Variants in DIAPH2 observed in about 807,000 individuals in gnomAD.
DIAPH2 encodes the protein diaphanous related formin 2, also known as protein diaphanous homolog 2.
DIAPH2 carries 35 observed loss-of-function variants against 92.7 expected under a neutral mutation model. That is an observed-to-expected ratio of 0.38 (90% confidence interval 0.29 to 0.50). The LOEUF is 0.50. DIAPH2 is among the 20% of genes least tolerant of loss of function. DIAPH2 has a pLI of 0.94. For synonymous variants in DIAPH2, 301 were observed against 280.4 expected (o/e 1.07, Z -0.73); for missense variants, 701 against 819.5 (o/e 0.86, Z 1.77).
chrX:97,589,258 A>G (rs1366279319), intron 26 of DIAPH2, among the ~76,000 whole-genome samples: 3 of 91,245 alleles, frequency 3.3e-5, no homozygotes, highest in Non-Finnish European at 4.3e-5. Context: ...CGGTGGTTGC[A>G]GTGAGCCAAG....
At chrX:97,088,727 TAA>T in intron 19 of DIAPH2, among the ~76,000 whole-genome samples, 1 of 112,196 alleles carries the variant, frequency 8.9e-6, no homozygotes, top group East Asian at 2.8e-4. Context: ...CTTTATTGAA[TAA>T]AAGGTCTTCA....
intron 9 of DIAPH2, among the ~76,000 whole-genome samples, chrX:96,928,535 A>T (rs1439659352): frequency 9.0e-6 from 1 of 111,614 alleles, no homozygotes; most frequent in Non-Finnish European, 1.9e-5. Context: ...GGCATAAAGG[A>T]ATAGCAAAAA....
chrX:97,238,613 T>C (rs763464014), intron 22 of DIAPH2, among the ~76,000 whole-genome samples: 1 of 110,165 alleles, frequency 9.1e-6, no homozygotes, highest in African/African-American at 3.3e-5. Flanking sequence ...TTTTCTCACA[T>C]TTTTCTTCAT....
chrX:97,440,610 A>G (rs188576130), intron 26 of DIAPH2, among the ~76,000 whole-genome samples: 2,189 of 108,677 alleles, frequency 0.02, 64 homozygotes, highest in African/African-American at 0.07. Context: ...AAAAAAAAAA[A>G]AAAAAGAAAG....
intron 1 of DIAPH2, among the ~76,000 whole-genome samples, chrX:96,691,102 C>T (rs2063795901): frequency 9.0e-6 from 1 of 111,720 alleles, no homozygotes; most frequent in Non-Finnish European, 1.9e-5. Flanking sequence ...AACCTGCTTT[C>T]AAAGAACACT....
At chrX:97,223,792 A>G (rs2067944263) in intron 22 of DIAPH2, among the ~76,000 whole-genome samples, 2 of 112,086 alleles carry the variant, frequency 1.8e-5, no homozygotes, top group South Asian at 3.7e-4. Flanking sequence ...GGGGTCAACT[A>G]TGAATGAATA....
At chrX:97,083,387 G>T (rs994162456) in intron 19 of DIAPH2, among the ~76,000 whole-genome samples, 1 of 112,266 alleles carries the variant, frequency 8.9e-6, no homozygotes, top group Non-Finnish European at 1.9e-5. Context: ...ATCCATCTTC[G>T]TGTCTTAAAT....
intron 26 of DIAPH2, among the ~76,000 whole-genome samples, chrX:97,500,791 T>TATATATATAC (rs2070791992): frequency 1.0e-5 from 1 of 95,535 alleles, no homozygotes; most frequent in African/African-American, 3.8e-5. Flanking sequence ...TATATATATA[T>TATATATATAC]ATATATATAT....
intron 19 of DIAPH2, among the ~76,000 whole-genome samples, chrX:97,087,908 C>A (rs758111015): frequency 7.6e-4 from 84 of 110,982 alleles, no homozygotes; most frequent in Non-Finnish European, 1.5e-3. Context: ...TCTTTGATCC[C>A]AGCTCATCAT....
intron 3 of DIAPH2, among the ~76,000 whole-genome samples, chrX:96,757,459 A>G (rs1006702478): frequency 1.1e-4 from 12 of 111,953 alleles, no homozygotes; most frequent in Non-Finnish European, 2.3e-4. Flanking sequence ...TTCATATGTC[A>G]CAAGGATTAC....
chrX:97,060,733 TA>T (rs1442039193), intron 17 of DIAPH2, among the ~76,000 whole-genome samples: 3 of 112,438 alleles, frequency 2.7e-5, no homozygotes, highest in Non-Finnish European at 3.8e-5. Flanking sequence ...TGACTAGTCT[TA>T]TGTTTTTGTT....
chrX:97,376,953 A>G (rs2069507081), intron 24 of DIAPH2, among the ~76,000 whole-genome samples: 1 of 112,118 alleles, frequency 8.9e-6, no homozygotes, highest in South Asian at 3.7e-4. Flanking sequence ...TAAAAATACT[A>G]TATTAAAAAT....
chrX:96,706,155 G>A (rs1311122954), intron 1 of DIAPH2, among the ~76,000 whole-genome samples: 1 of 112,403 alleles, frequency 8.9e-6, no homozygotes, highest in Non-Finnish European at 1.9e-5. Context: ...CACATGGCTG[G>A]CAGCAATCCA....
At chrX:97,062,741 AG>A (rs1486770377) in intron 17 of DIAPH2, among the ~76,000 whole-genome samples, 1 of 111,578 alleles carries the variant, frequency 9.0e-6, no homozygotes, top group African/African-American at 3.3e-5. Context: ...ACTTAAAAAA[AG>A]AAACAAGGAG....
At chrX:97,395,618 A>AT (rs983314152) in intron 25 of DIAPH2, among the ~76,000 whole-genome samples, 73 of 107,781 alleles carry the variant, frequency 6.8e-4, no homozygotes, top group Non-Finnish European at 9.5e-4. Flanking sequence ...ATCACTAGTA[A>AT]TTTTTTTTTT....
At chrX:96,946,570 C>G (rs762086115) in intron 14 of DIAPH2, among the ~76,000 whole-genome samples, 2 of 111,984 alleles carry the variant, frequency 1.8e-5, no homozygotes, top group African/African-American at 6.5e-5. Context: ...AGAATAGATT[C>G]TAAGAGCTTG....
intron 17 of DIAPH2, among the ~76,000 whole-genome samples, chrX:97,013,420 G>T (rs183031198): frequency 8.9e-6 from 1 of 111,759 alleles, no homozygotes; most frequent in East Asian, 2.8e-4. Flanking sequence ...AAAAAGTGGG[G>T]GAGGGAGAGT....
At chrX:97,525,141 C>T (rs182971797) in intron 26 of DIAPH2, among the ~76,000 whole-genome samples, 5 of 112,108 alleles carry the variant, frequency 4.5e-5, no homozygotes, top group East Asian at 2.8e-4. Context: ...GTATCCTGCC[C>T]GTTTTCCTTC....
intron 5 of DIAPH2, among the ~76,000 whole-genome samples, chrX:96,899,607 T>C (rs1452329655): frequency 1.8e-5 from 2 of 111,639 alleles, no homozygotes; most frequent in African/African-American, 3.3e-5. Context: ...AAGTTGCTTA[T>C]CAGCTTAAGG....
Sources: allele counts gnomAD v4.1 joint callset (sites outside exome capture counted in the v4.1 genomes callset), GRCh38; gene constraint gnomAD v4.1.1; transcripts MANE v1.5; gene names NCBI Gene and HGNC (gene_info 2026-07-23, HGNC 2026-07-21).